CNTN5: variants seen among roughly 807,000 people sequenced by gnomAD.
The protein encoded by CNTN5 is contactin-5.
Under a neutral mutation model 129.1 loss-of-function variants are expected in CNTN5, and 77 were observed. The observed-to-expected ratio is 0.60, with a 90% confidence interval of 0.50 to 0.72. The LOEUF (loss-of-function observed/expected upper bound fraction) is 0.72, where lower values mean the gene tolerates loss of function less well. Ranked by LOEUF, CNTN5 falls within the 30% of genes least tolerant of loss-of-function variation. The probability of loss-of-function intolerance (pLI) is 0.00; values close to 1 mark genes in which losing one functional copy is unlikely to be tolerated. For missense variants in CNTN5, 1,478 were observed against 1,328.8 expected (o/e 1.11, Z -1.75); for synonymous variants, 509 against 465.6 (o/e 1.09, Z -1.20).
At chr11:99,676,315 C>G (rs1286343762) in intron 3 of CNTN5, among the ~76,000 whole-genome samples, 1 of 152,080 alleles carries the variant, frequency 6.6e-6, no homozygotes, top group Non-Finnish European at 1.5e-5. Context: ...TAGACTACAA[C>G]ATAAAAACGA....
chr11:99,980,841 G>A (rs539295925), intron 8 of CNTN5, among the ~76,000 whole-genome samples: 1 of 151,732 alleles, frequency 6.6e-6, no homozygotes, highest in Admixed American at 6.6e-5. Flanking sequence ...CAAGTACTTT[G>A]TGATTTCTTC....
chr11:100,139,219 T>C (rs1946616382), intron 13 of CNTN5, among the ~76,000 whole-genome samples: 1 of 152,096 alleles, frequency 6.6e-6, no homozygotes, highest in Non-Finnish European at 1.5e-5. Flanking sequence ...AATCACCATA[T>C]AGATTATAAT....
At chr11:99,383,097 C>A (rs140881218) in intron 2 of CNTN5, among the ~76,000 whole-genome samples, 1 of 151,698 alleles carries the variant, frequency 6.6e-6, no homozygotes, top group Non-Finnish European at 1.5e-5. Context: ...CCTTGTGATC[C>A]GCCTGCCTTG....
Position 100,356,187 on chromosome 11 carries a change from C to T in CNTN5, c.3270C>T (p.Leu1090=). Residue 1090 remains leucine (L), a synonymous_variant, in exon 25 of 25, where the codon CTC becomes CTT. Transcript: ENST00000524871. ...CATCTTCGTCATCAGTCACCTTGCT[C>T]TTGGCATTGATGATTCCTTCAACTT... ...LSTSSSSVTL[L]LALMIPSTSW 6.2e-7 allele frequency: 1 copy of T among 1,610,166 alleles called. No individual in the cohort carries two copies. Among genetic ancestry groups the T allele is most frequent in the Non-Finnish European group, 8.5e-7 (1 of 1,177,812 alleles).
At chr11:99,032,507 C>G (rs894760221) in intron 1 of CNTN5, among the ~76,000 whole-genome samples, 3 of 151,510 alleles carry the variant, frequency 2.0e-5, no homozygotes, top group Admixed American at 1.3e-4. Flanking sequence ...TTGCATTTCT[C>G]TGATGGCCAG....
At chr11:99,143,558 C>G (rs937444500) in intron 1 of CNTN5, among the ~76,000 whole-genome samples, 6 of 151,774 alleles carry the variant, frequency 4.0e-5, no homozygotes, top group Admixed American at 2.0e-4. Context: ...TTCCTTCTTT[C>G]CTTTCTCCGT....
At chr11:99,083,637 G>C (rs554672405) in intron 1 of CNTN5, among the ~76,000 whole-genome samples, 7 of 152,218 alleles carry the variant, frequency 4.6e-5, no homozygotes, top group South Asian at 4.1e-4. Context: ...TCCAGAATTT[G>C]TATCAGAGGA....
intron 3 of CNTN5, among the ~76,000 whole-genome samples, chr11:99,701,553 G>A (rs1335324960): frequency 6.6e-6 from 1 of 150,858 alleles, no homozygotes; most frequent in Non-Finnish European, 1.5e-5. Context: ...TGAAAGTGAA[G>A]CATTCTGAAT....
At chr11:99,432,151 T>G (rs1442824503) in intron 2 of CNTN5, among the ~76,000 whole-genome samples, 1 of 152,198 alleles carries the variant, frequency 6.6e-6, no homozygotes, top group Non-Finnish European at 1.5e-5. Context: ...AATATATCCC[T>G]TTTGTGATAC....
intron 3 of CNTN5, among the ~76,000 whole-genome samples, chr11:99,600,910 T>C (rs758830657): frequency 3.6e-4 from 55 of 152,226 alleles, no homozygotes; most frequent in Middle Eastern, 3.2e-3. Context: ...ATCTCTTCAC[T>C]GAATTTCGTT....
chr11:99,811,705 G>A (rs952670859), intron 3 of CNTN5, among the ~76,000 whole-genome samples: 1 of 151,800 alleles, frequency 6.6e-6, no homozygotes, highest in Non-Finnish European at 1.5e-5. Flanking sequence ...TTTAATGAAG[G>A]TATTAATATT....
At chr11:99,212,718 A>G (rs1859870686) in intron 1 of CNTN5, among the ~76,000 whole-genome samples, 1 of 152,164 alleles carries the variant, frequency 6.6e-6, no homozygotes, top group African/African-American at 2.4e-5. Flanking sequence ...TGATCAATCT[A>G]TCATAATTTG....
rs986596856 is a variant in CNTN5 at position 99,722,436 on chromosome 11, C to T, written c.56-97108C>T. ...GTGAGTGGGAGCTAAATGATGAGAA[C>T]TTATGAACACAAAGACGAAAATAGA... On this transcript the variant is annotated intron_variant, in intron 3 of 24. Transcript: ENST00000524871. 2.6e-5 allele frequency among the ~76,000 whole-genome samples: 4 copies of T among 152,068 alleles called. No individual in the cohort carries two copies. The South Asian group carries it at 6.2e-4, about 24-fold the overall frequency.
chr11:99,792,608 TG>T (rs1388092002), intron 3 of CNTN5, among the ~76,000 whole-genome samples: 1 of 140,144 alleles, frequency 7.1e-6, no homozygotes, highest in African/African-American at 2.5e-5. Context: ...TGCAAGGTTT[TG>T]GTATTAAGAT....
intron 7 of CNTN5, among the ~76,000 whole-genome samples, chr11:99,954,911 A>T (rs182509530): frequency 6.6e-6 from 1 of 152,292 alleles, no homozygotes; most frequent in African/African-American, 2.4e-5. Context: ...ATACTTACCC[A>T]TGTGTAATAT....
At chr11:99,649,990 C>T (rs1952095229) in intron 3 of CNTN5, among the ~76,000 whole-genome samples, 1 of 151,742 alleles carries the variant, frequency 6.6e-6, no homozygotes, top group Non-Finnish European at 1.5e-5. Context: ...TCTCTCACAT[C>T]AATAAGAGTT....
At chr11:99,377,683 A>C (rs1940267737) in intron 2 of CNTN5, among the ~76,000 whole-genome samples, 1 of 152,100 alleles carries the variant, frequency 6.6e-6, no homozygotes. Flanking sequence ...GGCAGTAATA[A>C]CTGTAGTGCT....
At position 99,728,616 on chromosome 11, in the gene CNTN5, C is replaced by T. The variant is rs150953527; in HGVS notation, c.56-90928C>T. ...TCATAGTGATGTAGAACAAAGTTGT[C>T]GGGATAGAAACCTGCTTAGGTTGCT... On this transcript the variant is annotated intron_variant, in intron 3 of 24. Transcript: ENST00000524871. Among the ~76,000 whole-genome samples the T allele has an allele frequency of 1.9e-3, 295 of 152,186 alleles. 2 individuals are homozygous for T. Among genetic ancestry groups the T allele is most frequent in the African/African-American group, 6.4e-3 (264 of 41,514 alleles).
intron 3 of CNTN5, among the ~76,000 whole-genome samples, chr11:99,721,460 T>C (rs1216098639): frequency 6.6e-6 from 1 of 152,070 alleles, no homozygotes; most frequent in Non-Finnish European, 1.5e-5. Flanking sequence ...ACCCCTTCCT[T>C]ACACCATATA....
Sources: gnomAD v4.1 joint callset for allele counts (sites outside exome capture counted in the v4.1 genomes callset) on GRCh38, gnomAD v4.1.1 for gene constraint, MANE v1.5 for transcripts, NCBI Gene and HGNC (gene_info 2026-07-23, HGNC 2026-07-21) for gene names.